The following STAG1 variants were observed in gnomAD, a reference collection of about 807,000 sequenced individuals.
The protein encoded by STAG1 is STAG1 cohesin complex component.
STAG1 carries 26 observed loss-of-function variants against 170.9 expected under a neutral mutation model. The ratio of observed to expected loss-of-function variants is 0.15; its 90% CI spans 0.11 to 0.21. The LOEUF (loss-of-function observed/expected upper bound fraction) is 0.21. Ranked by LOEUF, STAG1 falls within the 10% of genes least tolerant of loss-of-function variation. The pLI is 1.00. For synonymous variants in STAG1, 514 were observed against 497.7 expected (o/e 1.03, Z -0.44); for missense variants, 964 against 1,509.5 (o/e 0.64, Z 5.99).
chr3:136,518,083 C>A, intron 7 of STAG1: 1 of 288,258 alleles, frequency 3.5e-6, no homozygotes, highest in Non-Finnish European at 6.3e-6. Context: ...TAAAAGTATA[C>A]AATTAAATGC....
intron 2 of STAG1, among the ~76,000 whole-genome samples, chr3:136,629,157 A>G (rs1940223471): frequency 6.6e-6 from 1 of 152,216 alleles, no homozygotes; most frequent in Non-Finnish European, 1.5e-5. Context: ...CATGTAATAC[A>G]ACTTCAATTT....
intron 1 of STAG1, among the ~76,000 whole-genome samples, chr3:136,688,942 G>A (rs913556855): frequency 6.6e-6 from 1 of 152,148 alleles, no homozygotes; most frequent in Non-Finnish European, 1.5e-5. Context: ...TTTTACAGTT[G>A]CATTTCTTTG....
At chr3:136,345,455 G>GA (rs1936180091) in intron 29 of STAG1, among the ~76,000 whole-genome samples, 1 of 99,276 alleles carries the variant, frequency 1.0e-5, no homozygotes, top group Admixed American at 9.9e-5. Flanking sequence ...TTACCTAGTT[G>GA]TTTTTTTTTT....
rs199715250 is a variant in STAG1 at position 136,343,883 on chromosome 3, T to C, written c.3395A>G (p.Gln1132Arg). Residue 1132 changes from glutamine (Q) to arginine (R), a missense_variant, in exon 30 of 34, where the codon CAG (glutamine) becomes CGG (arginine). Transcript: ENST00000383202. ...ATGTTCAGACTCAGGTTCTTGAATC[T>C]GGTCTCCCATGGGCCGACTGTTCTC... ...LRENSRPMGDQIQEPESEHGS... is the reference protein window; with the variant it reads ...LRENSRPMGDRIQEPESEHGS... 8.1e-6 allele frequency: 13 copies of C among 1,601,152 alleles called. No individual in the cohort carries two copies. The East Asian group carries it at 3.0e-4, about 37-fold the overall frequency.
At chr3:136,657,315 C>G (rs143165254) in intron 1 of STAG1, among the ~76,000 whole-genome samples, 40 of 150,818 alleles carry the variant, frequency 2.7e-4, no homozygotes, top group African/African-American at 9.5e-4. Context: ...TCTTGTCCCT[C>G]AGCCGCCCGA....
At chr3:136,420,765 C>G in intron 20 of STAG1, among the ~76,000 whole-genome samples, 1 of 152,212 alleles carries the variant, frequency 6.6e-6, no homozygotes, top group Middle Eastern at 3.4e-3. Flanking sequence ...GCTTACACAC[C>G]TGGGTTACTA....
intron 5 of STAG1, among the ~76,000 whole-genome samples, chr3:136,562,374 C>T (rs1936880627): frequency 6.6e-6 from 1 of 151,850 alleles, no homozygotes; most frequent in Non-Finnish European, 1.5e-5. Flanking sequence ...GATTCTCCTG[C>T]CTCAGCCTCC....
At chr3:136,507,510 T>G (rs1160407054) in intron 7 of STAG1, among the ~76,000 whole-genome samples, 2 of 151,978 alleles carry the variant, frequency 1.3e-5, no homozygotes, top group African/African-American at 4.8e-5. Flanking sequence ...GGACTACAGC[T>G]ACCACCATGC....
At chr3:136,699,893 G>A (rs578147288) in intron 1 of STAG1, among the ~76,000 whole-genome samples, 3 of 151,934 alleles carry the variant, frequency 2.0e-5, no homozygotes, top group Non-Finnish European at 2.9e-5. Flanking sequence ...CAGATGAAGC[G>A]GTAAGAAATT....
At chr3:136,733,057 CA>C (rs1934131924) in intron 1 of STAG1, among the ~76,000 whole-genome samples, 1 of 150,158 alleles carries the variant, frequency 6.7e-6, no homozygotes, top group African/African-American at 2.5e-5. Flanking sequence ...ATGCACAACA[CA>C]ATATAGTCTA....
chr3:136,538,089 A>T (rs879217482), intron 6 of STAG1, among the ~76,000 whole-genome samples: 1 of 152,166 alleles, frequency 6.6e-6, no homozygotes, highest in Admixed American at 6.5e-5. Flanking sequence ...CTGAGTCTTG[A>T]GTTATTAGCC....
At position 136,338,292 on chromosome 3, in the gene STAG1, A is replaced by T; in HGVS notation, c.3754-15T>A. On this transcript the variant is annotated splice_polypyrimidine_tract_variant and intron_variant, in intron 33 of 33. Coordinates refer to ENST00000383202, the MANE Select transcript of STAG1 (RefSeq NM_005862.3). Reference sequence around the variant, plus strand: ...ATTCCAAATCCCTAGAAAAATGATGAGAAACATAATTATTAATTTCATGCA... The same window carrying T: ...ATTCCAAATCCCTAGAAAAATGATGTGAAACATAATTATTAATTTCATGCA... The T allele has an allele frequency of 6.2e-7, 1 of 1,603,136 alleles. No homozygotes were observed. The highest frequency in any genetic ancestry group is 8.5e-7 in the Non-Finnish European group (1 of 1,170,964).
intron 1 of STAG1, among the ~76,000 whole-genome samples, chr3:136,658,489 C>T (rs1338691940): frequency 6.6e-6 from 1 of 151,942 alleles, no homozygotes; most frequent in Non-Finnish European, 1.5e-5. Flanking sequence ...TATAACTATA[C>T]ACCAGCATAG....
intron 6 of STAG1, among the ~76,000 whole-genome samples, chr3:136,522,840 T>C (rs551110925): frequency 6.6e-6 from 1 of 151,804 alleles, no homozygotes; most frequent in African/African-American, 2.4e-5. Context: ...GTCCTTGTGA[T>C]AGTTTCCTGA....
chr3:136,577,237 G>A (rs901198489), intron 4 of STAG1, among the ~76,000 whole-genome samples: 3 of 152,274 alleles, frequency 2.0e-5, no homozygotes, highest in East Asian at 1.9e-4. Flanking sequence ...AGCTTAAGTC[G>A]TAATTTGAGA....
At chr3:136,710,619 C>T (rs1469870958) in intron 1 of STAG1, among the ~76,000 whole-genome samples, 1 of 151,846 alleles carries the variant, frequency 6.6e-6, no homozygotes, top group Non-Finnish European at 1.5e-5. Context: ...TAATTATAGC[C>T]CCTCCCCCCT....
chr3:136,476,607 T>G (rs1576508192), intron 10 of STAG1, among the ~76,000 whole-genome samples: 1 of 152,184 alleles, frequency 6.6e-6, no homozygotes, highest in East Asian at 1.9e-4. Context: ...AATAAGGTAG[T>G]ATTCATGAAA....
At chr3:136,549,390 A>G (rs1936291981) in intron 5 of STAG1, among the ~76,000 whole-genome samples, 1 of 151,774 alleles carries the variant, frequency 6.6e-6, no homozygotes. Context: ...GGCTCACTGC[A>G]ACCTCCGTCT....
rs34993713 is a variant in STAG1 at position 136,608,797 on chromosome 3, C to CAAA, written c.133-4327_133-4325dup. 1.2e-3 allele frequency among the ~76,000 whole-genome samples: 98 copies of CAAA among 79,042 alleles called. 2 individuals carry two copies. Among genetic ancestry groups the CAAA allele is most frequent in the African/African-American group, 3.0e-3 (60 of 20,134 alleles). The allele number at this position is 79,042 out of a possible 152,430, so 51.9% of individuals were successfully genotyped here. ...CCTGAATGACAGCGAGACCCTATCT[C>CAAA]AAAAAAAAAAAAAAAAAAAAAAGAA... On this transcript the variant is annotated intron_variant, in intron 3 of 33. Transcript: ENST00000383202.
Sources: allele counts gnomAD v4.1 joint callset (sites outside exome capture counted in the v4.1 genomes callset), GRCh38; gene constraint gnomAD v4.1.1; transcripts MANE v1.5; gene names NCBI Gene and HGNC (gene_info 2026-07-23, HGNC 2026-07-21).